FSD1L: variants seen among roughly 807,000 people sequenced by gnomAD.
FSD1L encodes fibronectin type III and SPRY domain containing 1 like.
Under a neutral mutation model 71.6 loss-of-function variants are expected in FSD1L, and 45 were observed. That is an observed-to-expected ratio of 0.63 (90% CI 0.49 to 0.81). FSD1L has a LOEUF of 0.81. FSD1L is among the 30% of genes least tolerant of loss of function. The probability of loss-of-function intolerance (pLI) is 0.00; values close to 1 mark genes in which losing one functional copy is unlikely to be tolerated. For synonymous variants in FSD1L, 197 were observed against 207.2 expected, an observed-to-expected ratio of 0.95 and a Z score of 0.42; for missense variants, 561 against 618.1, an observed-to-expected ratio of 0.91 and a Z score of 0.98.
chr9:105,526,156 A>G (rs1451571239), intron 10 of FSD1L: 3 of 1,582,774 alleles, frequency 1.9e-6, no homozygotes, highest in Non-Finnish European at 2.6e-6. Context: ...GGTTCTACCC[A>G]TTATGGTTAG....
intron 7 of FSD1L, among the ~76,000 whole-genome samples, chr9:105,486,592 T>A (rs997379409): frequency 5.3e-5 from 8 of 152,162 alleles, no homozygotes; most frequent in Non-Finnish European, 1.0e-4. Flanking sequence ...CATATGTCTC[T>A]ACTTACCACC....
Position 105,531,618 on chromosome 9 carries a change from A to G in FSD1L, c.1026-2875A>G, listed in dbSNP as rs535485088. Among the ~76,000 whole-genome samples, 9 of 152,350 alleles carry G rather than the reference A, an allele frequency of 5.9e-5. No homozygotes were observed. In the East Asian group the frequency reaches 1.7e-3, roughly 29 times the overall value. ...ATTAAAACTGTGTTCATTTTTGTAT[A>G]GTTACCAATATTTGCTGTTGAATAA... On this transcript the variant is annotated intron_variant, in intron 10 of 13. Transcript: ENST00000481272.
intron 1 of FSD1L, among the ~76,000 whole-genome samples, chr9:105,455,507 T>C (rs961673729): frequency 6.6e-6 from 1 of 152,210 alleles, no homozygotes; most frequent in Non-Finnish European, 1.5e-5. Context: ...TACATGCTGA[T>C]TTGATCAATC....
intron 7 of FSD1L, among the ~76,000 whole-genome samples, chr9:105,492,776 G>T (rs1252668529): frequency 6.6e-6 from 1 of 152,150 alleles, no homozygotes; most frequent in East Asian, 1.9e-4. Flanking sequence ...TCATTCAGGA[G>T]CAGGTTGTTC....
intron 9 of FSD1L, among the ~76,000 whole-genome samples, chr9:105,510,390 A>G (rs1043791157): frequency 3.9e-5 from 6 of 152,218 alleles, no homozygotes; most frequent in Admixed American, 3.9e-4. Context: ...TAGTGGGGCT[A>G]CTAATGAGAG....
upstream of FSD1L, among the ~76,000 whole-genome samples, chr9:105,445,549 G>A (rs1475613359): frequency 4.6e-5 from 7 of 152,230 alleles, no homozygotes; most frequent in East Asian, 1.2e-3. Flanking sequence ...CAGTAATGAG[G>A]TTAAGTCCTT....
intron 10 of FSD1L, among the ~76,000 whole-genome samples, chr9:105,518,990 CA>C (rs1219769647): frequency 2.0e-5 from 3 of 152,146 alleles, no homozygotes; most frequent in Non-Finnish European, 4.4e-5. Flanking sequence ...CCATTGATCC[CA>C]CAGAAATACA....
chr9:105,526,317 T>A (rs1835506195), intron 10 of FSD1L: 1 of 1,610,670 alleles, frequency 6.2e-7, no homozygotes, highest in African/African-American at 1.3e-5. Flanking sequence ...AGGTTTTTTC[T>A]CCAGCTCCCT....
Position 105,546,362 on chromosome 9 carries a change from G to A in FSD1L, c.1472G>A (p.Trp491Ter), listed in dbSNP as rs1478257522. The change falls in exon 14 of 14, where the codon TGG becomes TAG. Residue 491 changes from tryptophan to a stop codon, truncating the protein, a stop_gained. Transcript: ENST00000481272. LOFTEE classifies it high-confidence loss of function. ...TQPVLPGFMV[W>*]CGGLSLSTGM... ...GGTTTTTTTGTCTTTTCTTAGGTAT[G>A]GTGTGGTGGACTTTCTTTGAGTACT... 1 of 1,541,150 alleles carries A rather than the reference G, an allele frequency of 6.5e-7. No homozygotes were observed. Among genetic ancestry groups the A allele is most frequent in the Admixed American group, 2.1e-5 (1 of 48,176 alleles).
chr9:105,526,292 A>G, intron 10 of FSD1L: 2 of 1,607,586 alleles, frequency 1.2e-6, no homozygotes, highest in Non-Finnish European at 1.7e-6. Flanking sequence ...ACAACATTTG[A>G]AGATTTTGCA....
chr9:105,464,966 C>G (rs193300193), intron 3 of FSD1L, among the ~76,000 whole-genome samples: 2 of 152,084 alleles, frequency 1.3e-5, no homozygotes, highest in Admixed American at 1.3e-4. Flanking sequence ...GGTAATAGAA[C>G]GAGACTGCAT....
chr9:105,508,026 C>T (rs551588412), intron 8 of FSD1L, among the ~76,000 whole-genome samples: 7 of 151,722 alleles, frequency 4.6e-5, no homozygotes, highest in Non-Finnish European at 7.4e-5. Context: ...TGAGTAGCCA[C>T]GCCCGGCTAA....
chr9:105,477,762 A>G (rs756896551), intron 5 of FSD1L, among the ~76,000 whole-genome samples: 1 of 152,210 alleles, frequency 6.6e-6, no homozygotes, highest in Admixed American at 6.5e-5. Context: ...TATCTCTGGT[A>G]CTACAGTAGT....
intron 10 of FSD1L, chr9:105,521,066 G>A: frequency 6.2e-7 from 1 of 1,613,412 alleles, no homozygotes; most frequent in Non-Finnish European, 8.5e-7. Context: ...ACATCCCGCA[G>A]ATGAGACCAA....
At chr9:105,490,139 T>C (rs1453613904) in intron 7 of FSD1L, among the ~76,000 whole-genome samples, 1 of 152,242 alleles carries the variant, frequency 6.6e-6, no homozygotes, top group East Asian at 1.9e-4. Context: ...AAAGCGTTCC[T>C]ATTTCTCCAC....
intron 10 of FSD1L, chr9:105,525,032 A>G (rs1190596505): frequency 1.3e-6 from 2 of 1,580,730 alleles, no homozygotes; most frequent in Admixed American, 1.8e-5. Context: ...AGCCAATTCA[A>G]ATGTCAGAAT....
Position 105,523,191 on chromosome 9 carries a change from G to A in FSD1L, c.1025+10255G>A, listed in dbSNP as rs1835292570. 7.4e-6 allele frequency: 12 copies of A among 1,613,442 alleles called. No individual in the cohort carries two copies. In the Admixed American group the frequency reaches 1.7e-4, roughly 22 times the overall value. ...TAATCAGCAAGCTTTCTCTGCTGAA[G>A]TTGCAACTATTACTGGTTCAGAAAG... On this transcript the variant is annotated intron_variant, in intron 10 of 13. Coordinates refer to ENST00000481272, the MANE Select transcript of FSD1L (RefSeq NM_001145313.3).
intron 10 of FSD1L, among the ~76,000 whole-genome samples, chr9:105,527,699 T>A (rs1835602629): frequency 1.4e-5 from 2 of 147,040 alleles, no homozygotes; most frequent in South Asian, 4.3e-4. Context: ...ATAAAAATAT[T>A]CTTATCAAAA....
intron 1 of FSD1L, among the ~76,000 whole-genome samples, chr9:105,449,469 G>A (rs1332095520): frequency 6.6e-6 from 1 of 152,136 alleles, no homozygotes; most frequent in African/African-American, 2.4e-5. Flanking sequence ...ATATTTGAAT[G>A]GACATTAGCA....
Sources: gnomAD v4.1 joint callset for allele counts (sites outside exome capture counted in the v4.1 genomes callset) on GRCh38, gnomAD v4.1.1 for gene constraint, MANE v1.5 for transcripts, NCBI Gene and HGNC (gene_info 2026-07-23, HGNC 2026-07-21) for gene names.